The following ZFPM2 variants were observed in gnomAD, a reference collection of about 807,000 sequenced individuals.
ZFPM2 encodes zinc finger protein ZFPM2.
In ZFPM2, 20 loss-of-function variants were observed where a neutral mutation model predicts 98.6. The ratio of observed to expected loss-of-function variants is 0.20; its 90% CI spans 0.14 to 0.29. The LOEUF (loss-of-function observed/expected upper bound fraction) is 0.29. Ranked by LOEUF, ZFPM2 falls within the 10% of genes least tolerant of loss-of-function variation. The probability of loss-of-function intolerance (pLI) is 1.00; values close to 1 mark genes in which losing one functional copy is unlikely to be tolerated. For synonymous variants in ZFPM2, 518 were observed against 502.7 expected (o/e 1.03, Z -0.41); for missense variants, 1,310 against 1,388.6 (o/e 0.94, Z 0.90).
intron 1 of ZFPM2, among the ~76,000 whole-genome samples, chr8:105,408,502 G>A (rs1197880274): frequency 6.6e-6 from 1 of 151,794 alleles, no homozygotes; most frequent in Non-Finnish European, 1.5e-5. Flanking sequence ...CCTTCGTCTT[G>A]TTAGGGTTTT....
intron 1 of ZFPM2, among the ~76,000 whole-genome samples, chr8:105,323,239 C>G (rs1473671259): frequency 1.3e-5 from 2 of 151,614 alleles, no homozygotes; most frequent in African/African-American, 4.8e-5. Context: ...GGAATACTAC[C>G]TATATTTGAA....
chr8:105,528,907 G>A (rs529202479), intron 3 of ZFPM2: 19 of 152,276 alleles, frequency 1.2e-4, no homozygotes, highest in African/African-American at 4.3e-4. Flanking sequence ...ACCCTTCAGA[G>A]TCTGAAGTAA....
chr8:105,782,601 C>G (rs1813282468), intron 5 of ZFPM2: 1 of 152,158 alleles, frequency 6.6e-6, no homozygotes, highest in South Asian at 2.1e-4. Flanking sequence ...AGATCTTCCT[C>G]AAACACCAAA....
chr8:105,383,742 T>C (rs967562), intron 1 of ZFPM2, among the ~76,000 whole-genome samples: 71,721 of 152,010 alleles, frequency 0.47, 18,057 homozygotes, highest in Admixed American at 0.56. Flanking sequence ...TGTTTACAGC[T>C]TAAAAAATAG....
At chr8:105,529,668 A>G (rs973515629) in intron 3 of ZFPM2, among the ~76,000 whole-genome samples, 1 of 151,932 alleles carries the variant, frequency 6.6e-6, no homozygotes, top group African/African-American at 2.4e-5. Flanking sequence ...TCATCCACCA[A>G]ATAAAATGGG....
chr8:105,463,297 A>G (rs1417516156), intron 3 of ZFPM2, among the ~76,000 whole-genome samples: 3 of 151,726 alleles, frequency 2.0e-5, no homozygotes, highest in African/African-American at 4.8e-5. Context: ...GTGTGTGTGT[A>G]TATATATACA....
chr8:105,452,553 A>C (rs1812505788), intron 3 of ZFPM2, among the ~76,000 whole-genome samples: 1 of 151,658 alleles, frequency 6.6e-6, no homozygotes, highest in Non-Finnish European at 1.5e-5. Context: ...TTTGAGACCA[A>C]CCTGGGCAAT....
At chr8:105,675,469 A>G (rs567813583) in intron 5 of ZFPM2, among the ~76,000 whole-genome samples, 108 of 152,324 alleles carry the variant, frequency 7.1e-4, no homozygotes, top group Admixed American at 2.0e-3. Flanking sequence ...AGAGTTAGGC[A>G]CTGTGGATAA....
At chr8:105,529,301 A>G (rs372359383) in intron 3 of ZFPM2, among the ~76,000 whole-genome samples, 17 of 152,242 alleles carry the variant, frequency 1.1e-4, no homozygotes, top group African/African-American at 3.6e-4. Flanking sequence ...ATGCAGTCAC[A>G]TTCTGAGGTA....
intron 3 of ZFPM2, among the ~76,000 whole-genome samples, chr8:105,546,316 C>T (rs988683997): frequency 9.9e-5 from 15 of 152,074 alleles, no homozygotes; most frequent in African/African-American, 3.6e-4. Flanking sequence ...GTGGCTCACA[C>T]CTGTAATCCC....
chr8:105,399,289 C>T (rs540011801), intron 1 of ZFPM2, among the ~76,000 whole-genome samples: 1 of 152,222 alleles, frequency 6.6e-6, no homozygotes, highest in East Asian at 1.9e-4. Context: ...GAATGGGTTC[C>T]TGCAGATTAG....
intron 6 of ZFPM2, among the ~76,000 whole-genome samples, chr8:105,797,685 G>T (rs966459781): frequency 1.3e-5 from 2 of 152,046 alleles, no homozygotes; most frequent in Non-Finnish European, 2.9e-5. Context: ...TCCCTGAGCT[G>T]CCCATTTGAT....
chr8:105,407,460 G>A (rs1302875294), intron 1 of ZFPM2, among the ~76,000 whole-genome samples: 1 of 151,906 alleles, frequency 6.6e-6, no homozygotes, highest in South Asian at 2.1e-4. Context: ...TTTAGTCATA[G>A]ATCTATTCCA....
chr8:105,678,419 G>A (rs186375792), intron 5 of ZFPM2: 7 of 152,224 alleles, frequency 4.6e-5, no homozygotes, highest in Non-Finnish European at 1.0e-4. Flanking sequence ...GATTGAGTAC[G>A]TTATGTTGAC....
At chr8:105,680,777 A>G (rs1397328309) in intron 5 of ZFPM2, among the ~76,000 whole-genome samples, 2 of 152,190 alleles carry the variant, frequency 1.3e-5, no homozygotes, top group African/African-American at 4.8e-5. Context: ...TATAAGCTCT[A>G]AAAGACTTTG....
intron 3 of ZFPM2, among the ~76,000 whole-genome samples, chr8:105,459,055 G>A (rs1312940485): frequency 2.6e-5 from 4 of 152,076 alleles, no homozygotes; most frequent in African/African-American, 9.7e-5. Flanking sequence ...TATTATTAAA[G>A]AAGTCACTTG....
intron 3 of ZFPM2, among the ~76,000 whole-genome samples, chr8:105,456,152 T>TG (rs1563667580): frequency 8.7e-6 from 1 of 115,588 alleles, no homozygotes; most frequent in Admixed American, 8.6e-5. Context: ...AAATGTTTTT[T>TG]TTTGTTTGTT....
chr8:105,410,949 A>G (rs1172126875), intron 1 of ZFPM2, among the ~76,000 whole-genome samples: 1 of 151,846 alleles, frequency 6.6e-6, no homozygotes, highest in African/African-American at 2.4e-5. Flanking sequence ...CTTATCTCAC[A>G]TCTTCAAGAT....
intron 5 of ZFPM2, among the ~76,000 whole-genome samples, chr8:105,653,308 G>T (rs1817216832): frequency 6.6e-6 from 1 of 152,118 alleles, no homozygotes; most frequent in South Asian, 2.1e-4. Context: ...TTTGGAGGTG[G>T]GGTGTTCTTT....
Sources: gnomAD v4.1 joint callset for allele counts (sites outside exome capture counted in the v4.1 genomes callset) on GRCh38, gnomAD v4.1.1 for gene constraint, MANE v1.5 for transcripts, NCBI Gene and HGNC (gene_info 2026-07-23, HGNC 2026-07-21) for gene names.